Variants in SETX observed in about 807,000 individuals in gnomAD.
The protein encoded by SETX is helicase senataxin.
Under a neutral mutation model 227.2 loss-of-function variants are expected in SETX, and 90 were observed. The observed-to-expected ratio is 0.40, with a 90% CI of 0.33 to 0.47. The LOEUF (loss-of-function observed/expected upper bound fraction) is 0.47, where lower values mean the gene tolerates loss of function less well. Ranked by LOEUF, SETX falls within the 20% of genes least tolerant of loss-of-function variation. The pLI is 0.91. For synonymous variants in SETX, 1,210 were observed against 1,113.2 expected, an observed-to-expected ratio of 1.09 and a Z score of -1.73; for missense variants, 3,052 against 3,181.5, an observed-to-expected ratio of 0.96 and a Z score of 0.98.
chr9:132,282,015 T>C (rs1283726538), intron 19 of SETX, among the ~76,000 whole-genome samples: 1 of 112,292 alleles, frequency 8.9e-6, no homozygotes, highest in Non-Finnish European at 1.7e-5. Flanking sequence ...GCAGACTCCG[T>C]CTCTAAAAAA....
intron 18 of SETX, 82 bp from the exon 19 acceptor site, chr9:132,283,495 C>A (rs971144657): frequency 6.7e-7 from 1 of 1,486,144 alleles, no homozygotes; most frequent in African/African-American, 1.4e-5. Flanking sequence ...ATAAAACACT[C>A]ACTATTTATT....
intron 2 of SETX, among the ~76,000 whole-genome samples, chr9:132,353,271 T>C (rs541937690): frequency 6.6e-6 from 1 of 152,122 alleles, no homozygotes; most frequent in African/African-American, 2.4e-5. Context: ...TGGTGACTGG[T>C]ATTCCCTGCC....
intron 13 of SETX, among the ~76,000 whole-genome samples, chr9:132,297,557 CCT>C (rs1218166812): frequency 6.6e-6 from 1 of 152,192 alleles, no homozygotes; most frequent in African/African-American, 2.4e-5. Flanking sequence ...CAAGCCTTGG[CCT>C]CTGTTACTCA....
Position 132,329,313 on chromosome 9 carries a change from T to C in SETX, c.2285A>G (p.Asn762Ser). 6.2e-7 allele frequency: 1 copy of C among 1,613,858 alleles called. No homozygotes were observed. Residue 762 changes from asparagine (N) to serine (S), a missense_variant, in exon 10 of 26, where the codon AAT becomes AGT. By Grantham distance (46) the Asn-to-Ser change is conservative. This residue lies in a region of SETX where 1,483 missense variants were observed against 1,312.0 expected (regional missense o/e 1.13). Transcript: ENST00000224140. ...TDALEKVSTS[N>S]EDFSLKDDAL... The stretch of plus-strand genomic sequence containing the variant: ...ATCATCCTTTAAAGAGAAATCTTCA[T>C]TCGATGTGGACACTTTTTCCAAAGC...
intron 11 of SETX, among the ~76,000 whole-genome samples, chr9:132,307,224 A>T (rs1268493349): frequency 1.3e-5 from 2 of 152,210 alleles, no homozygotes; most frequent in Non-Finnish European, 2.9e-5. Flanking sequence ...ACTGCACTCC[A>T]GCCTGGGCGA....
chr9:132,300,542 A>G, intron 12 of SETX, 88 bp downstream of exon 12: 12 of 1,403,548 alleles, frequency 8.5e-6, no homozygotes, highest in East Asian at 2.3e-5. Flanking sequence ...AATGTCTATC[A>G]AATACACTTG....
In SETX at chr9:132,330,015, G is replaced by A. The variant is rs373616766; in HGVS notation, c.1583C>T (p.Ser528Phe). 13 of 1,614,082 alleles carry A rather than the reference G, an allele frequency of 8.1e-6. No individual in the cohort carries two copies. In the African/African-American group the frequency reaches 1.6e-4, roughly 20 times the overall value. The change falls in exon 10 of 26, where the codon TCT (serine) becomes TTT (phenylalanine). Residue 528 changes from serine to phenylalanine, a missense_variant. By Grantham distance (155) the Ser-to-Phe change is radical. Around this residue, in one of 10 missense-constraint regions of SETX, gnomAD observed 179 missense variants for 197.1 expected, o/e 0.91. Transcript: ENST00000224140. Reference protein sequence around the residue: ...ISSLSLHSMPSNSVQLAYVQL... With the variant: ...ISSLSLHSMPFNSVQLAYVQL... ...CACATAAGCAAGTTGTACAGAGTTA[G>A]ATGGCATGGAATGCAATGACAGTGA...
At chr9:132,351,946 T>C (rs912585249) in intron 2 of SETX, among the ~76,000 whole-genome samples, 5 of 152,202 alleles carry the variant, frequency 3.3e-5, no homozygotes, top group African/African-American at 7.2e-5. Flanking sequence ...AAACCAAAAA[T>C]ATAGGATGCT....
In SETX at chr9:132,288,172, T is replaced by A. The variant is rs769165202; in HGVS notation, c.6324+64A>T. On this transcript the variant is annotated intron_variant, in intron 17 of 25. Coordinates refer to ENST00000224140, the MANE Select transcript of SETX (RefSeq NM_015046.7). Reference sequence around the variant, plus strand: ...GCCTGGAAGACAGAGCAAGACTCTGTCTCAAAAAAAACTTGTTAACTAGTT... The same window carrying A: ...GCCTGGAAGACAGAGCAAGACTCTGACTCAAAAAAAACTTGTTAACTAGTT... 18 of 1,300,226 alleles carry A rather than the reference T, an allele frequency of 1.4e-5. No individual in the cohort carries two copies. The Admixed American group carries it at 1.5e-4, about 11-fold the overall frequency. 80.5% of individuals were successfully genotyped at this position (1,300,226 alleles called of 1,614,324 possible).
rs371735499 is a variant in SETX, at chr9:132,324,264, A to T, written c.5274+2060T>A. Among the ~76,000 whole-genome samples the T allele has an allele frequency of 5.9e-5, 9 of 152,230 alleles. No homozygotes were observed. In the East Asian group the frequency reaches 9.6e-4, roughly 16 times the overall value. On this transcript the variant is annotated intron_variant, in intron 10 of 25. Transcript: ENST00000224140. ...AAAACAAAAGTACCTTAGGAAAAAA[A>T]AATAATAAAGCAACTCTCAAAAATG...
Position 132,325,955 on chromosome 9 carries a change from G to T in SETX, c.5274+369C>A, listed in dbSNP as rs1162737477. Among the ~76,000 whole-genome samples the T allele has an allele frequency of 1.1e-4, 16 of 148,810 alleles. No homozygotes were observed. The South Asian group carries it at 3.2e-3, about 30-fold the overall frequency. On this transcript the variant is annotated intron_variant, in intron 10 of 25. Transcript: ENST00000224140. ...CCTAAAAAAAAAAAAAAAAAAAAGTGTTTCCTCTGTATTGCCAGTATCTAA... is the reference window on the plus strand; with the variant it reads ...CCTAAAAAAAAAAAAAAAAAAAAGTTTTTCCTCTGTATTGCCAGTATCTAA...
chr9:132,314,233 C>T (rs933554963), intron 10 of SETX, among the ~76,000 whole-genome samples: 4 of 152,198 alleles, frequency 2.6e-5, no homozygotes, highest in African/African-American at 9.6e-5. Context: ...GCTGGGATTA[C>T]AGGCGCCCAC....
chr9:132,317,000 A>C (rs2131377433), intron 10 of SETX, among the ~76,000 whole-genome samples: 1 of 152,346 alleles, frequency 6.6e-6, no homozygotes, highest in Admixed American at 6.5e-5. Flanking sequence ...CTTGAACTAC[A>C]TCAAATTTAT....
chr9:132,280,836 A>T (rs1229129726), intron 20 of SETX, among the ~76,000 whole-genome samples: 2 of 152,030 alleles, frequency 1.3e-5, no homozygotes, highest in African/African-American at 4.8e-5. Flanking sequence ...TCATGAGATT[A>T]AAAAAAACCA....
At chr9:132,301,309 G>C (rs920345860) in intron 11 of SETX, among the ~76,000 whole-genome samples, 3 of 151,776 alleles carry the variant, frequency 2.0e-5, no homozygotes, top group Non-Finnish European at 4.4e-5. Context: ...GGATGGTCTC[G>C]ATCTCCTGAC....
chr9:132,330,030 A>C lies in SETX; in HGVS notation c.1568T>G (p.Leu523Trp). Residue 523 changes from leucine to tryptophan, a missense_variant, in exon 10 of 26, where the codon TTG becomes TGG. By Grantham distance (61) the Leu-to-Trp change is moderately conservative (BLOSUM62 -2). Around this residue, in one of 10 missense-constraint regions of SETX, gnomAD observed 179 missense variants for 197.1 expected, o/e 0.91. Coordinates refer to ENST00000224140, the MANE Select transcript of SETX (RefSeq NM_015046.7). Reference protein sequence around the residue: ...KGTAMISSLSLHSMPSNSVQL... With the variant: ...KGTAMISSLSWHSMPSNSVQL... Reference sequence around the variant, plus strand: ...TACAGAGTTAGATGGCATGGAATGCAATGACAGTGAAGATATCATTGCTGT... The same window carrying C: ...TACAGAGTTAGATGGCATGGAATGCCATGACAGTGAAGATATCATTGCTGT... 2 of 1,614,224 alleles carry C rather than the reference A, an allele frequency of 1.2e-6. No individual in the cohort carries two copies. The highest frequency in any genetic ancestry group is 1.7e-6 in the Non-Finnish European group (2 of 1,180,010).
chr9:132,316,241 T>C (rs373129252), intron 10 of SETX, among the ~76,000 whole-genome samples: 1 of 152,232 alleles, frequency 6.6e-6, no homozygotes. Flanking sequence ...TAACACTTCA[T>C]ATACTTATTA....
intron 10 of SETX, among the ~76,000 whole-genome samples, chr9:132,321,073 T>C: frequency 6.6e-6 from 1 of 152,182 alleles, no homozygotes; most frequent in East Asian, 1.9e-4. Context: ...AGTAAATGTT[T>C]ACACACTGAA....
rs553512901 is a variant in SETX at position 132,352,527 on chromosome 9, G to A, written c.-8+1122C>T. ...AGCACTCTGGGAGGCCGAGGCGTGAGGGATCACGAGGTCAAGAGATCAAGA... is the reference window on the plus strand; with the variant it reads ...AGCACTCTGGGAGGCCGAGGCGTGAAGGATCACGAGGTCAAGAGATCAAGA... On this transcript the variant is annotated intron_variant, in intron 2 of 25. Transcript: ENST00000224140. 1.1e-4 allele frequency among the ~76,000 whole-genome samples: 17 copies of A among 152,214 alleles called. 1 individual carries two copies. The South Asian group carries it at 2.3e-3, about 20-fold the overall frequency.
Sources: gnomAD v4.1 joint callset for allele counts (sites outside exome capture counted in the v4.1 genomes callset) on GRCh38, gnomAD v4.1.1 for gene constraint, gnomAD v4.1.1 regional missense constraint, MANE v1.5 for transcripts, NCBI Gene and HGNC (gene_info 2026-07-23, HGNC 2026-07-21) for gene names.